NEU3: variants seen among roughly 807,000 people sequenced by gnomAD.
NEU3 encodes sialidase-3.
Under a neutral mutation model 11.4 loss-of-function variants are expected in NEU3, and 10 were observed. The ratio of observed to expected loss-of-function variants is 0.88; its 90% CI spans 0.54 to 1.49. The LOEUF is 1.49. NEU3 is among the 40% of genes most tolerant of loss of function. The probability of loss-of-function intolerance (pLI) is 0.00; values close to 1 mark genes in which losing one functional copy is unlikely to be tolerated. For synonymous variants in NEU3, 212 were observed against 228.2 expected, an observed-to-expected ratio of 0.93 and a Z score of 0.64; for missense variants, 529 against 581.8, an observed-to-expected ratio of 0.91 and a Z score of 0.93.
rs1205424872 is a variant in NEU3, at chr11:74,994,582, C to T, written c.168C>T (p.Thr56=). Residue 56 remains threonine (T), a synonymous_variant, in exon 2 of 3, where the codon ACC becomes ACT. Transcript: ENST00000294064. ...GGCAGGAAGATGACAGAGGGATTAC[C>T]TACCGGATCCCAGCCCTGCTCTACA... ...LFRQEDDRGI[T]YRIPALLYIP... is the part of the protein sequence containing the mutation. 1 of 1,613,878 alleles carries T rather than the reference C, an allele frequency of 6.2e-7. No individual in the cohort carries two copies. Among genetic ancestry groups the T allele is most frequent in the Non-Finnish European group, 8.5e-7 (1 of 1,179,876 alleles).
upstream of NEU3, among the ~76,000 whole-genome samples, chr11:74,986,039 T>C (rs1275571597): frequency 6.6e-6 from 1 of 152,212 alleles, no homozygotes; most frequent in Non-Finnish European, 1.5e-5. Flanking sequence ...AAGCAGGCCT[T>C]CCTAAGGATA....
At chr11:74,981,389 C>T in the NEU3 span, among the ~76,000 whole-genome samples, 1 of 152,208 alleles carries the variant, frequency 6.6e-6, no homozygotes, top group Admixed American at 6.5e-5. Flanking sequence ...GTAAGACTGA[C>T]CATTCTTCTT....
downstream of NEU3, among the ~76,000 whole-genome samples, chr11:75,011,536 C>A (rs2140257514): frequency 6.6e-6 from 1 of 152,264 alleles, no homozygotes; most frequent in East Asian, 1.9e-4. Context: ...AGAAAAACAT[C>A]CTTGGCTGGT....
At position 75,003,229 on chromosome 11, in the gene NEU3, ACAGTTTACCAGGCCTT is replaced by A. The variant is rs571528950; in HGVS notation, c.307-2181_307-2166del. Among the ~76,000 whole-genome samples, 13 of 152,280 alleles carry A rather than the reference ACAGTTTACCAGGCCTT, an allele frequency of 8.5e-5. No individual in the cohort carries two copies. The East Asian group carries it at 9.7e-4, about 11-fold the overall frequency. On this transcript the variant is annotated intron_variant, in intron 2 of 2. Transcript: ENST00000294064. ...TTAAGGTTCCATCTCAAATTACATGACAGTTTACCAGGCCTTCAAGTTTTGTCCTTCTGCTCCATAA... is the reference window on the plus strand; with the variant it reads ...TTAAGGTTCCATCTCAAATTACATGACAAGTTTTGTCCTTCTGCTCCATAA...
chr11:74,987,867 T>C (rs1335927597), upstream of NEU3, among the ~76,000 whole-genome samples: 1 of 146,710 alleles, frequency 6.8e-6, no homozygotes, highest in Non-Finnish European at 1.5e-5. Context: ...TTACGATGAG[T>C]TGGTCTCTGG....
At chr11:75,015,786 G>T (rs533885385), downstream of NEU3, among the ~76,000 whole-genome samples, 3 of 152,166 alleles carry the variant, frequency 2.0e-5, no homozygotes, top group Non-Finnish European at 4.4e-5. Flanking sequence ...TGTCCAACTT[G>T]TGTCCCTAGT....
chr11:75,019,836 G>A (rs1948996197), downstream of NEU3, among the ~76,000 whole-genome samples: 1 of 152,204 alleles, frequency 6.6e-6, no homozygotes, highest in Non-Finnish European at 1.5e-5. Flanking sequence ...GCACTGCCTA[G>A]TGGAGCTGTG....
chr11:74,988,631 C>T (rs1218011103), upstream of NEU3: 2 of 199,490 alleles, frequency 1.0e-5, no homozygotes, highest in African/African-American at 2.4e-5. Flanking sequence ...CTCAGGCTGT[C>T]CAGGGAAGCT....
chr11:75,011,889 C>A (rs1948958058), downstream of NEU3, among the ~76,000 whole-genome samples: 1 of 152,012 alleles, frequency 6.6e-6, no homozygotes, highest in South Asian at 2.1e-4. Context: ...CCTCAAGAAG[C>A]CTTGATAGAA....
intron 1 of NEU3, among the ~76,000 whole-genome samples, chr11:74,991,507 C>T (rs893527444): frequency 1.3e-5 from 2 of 152,210 alleles, no homozygotes; most frequent in African/African-American, 4.8e-5. Flanking sequence ...GGTTCACTGT[C>T]CTGAAAGCTT....
chr11:75,019,535 A>G (rs905629060), downstream of NEU3, among the ~76,000 whole-genome samples: 3 of 152,246 alleles, frequency 2.0e-5, no homozygotes, highest in African/African-American at 7.2e-5. Flanking sequence ...TGTTCAAAAC[A>G]TGGGAGCTGT....
chr11:74,999,798 A>C (rs1245347413), intron 2 of NEU3, among the ~76,000 whole-genome samples: 1 of 152,204 alleles, frequency 6.6e-6, no homozygotes, highest in African/African-American at 2.4e-5. Context: ...TGGGGCAGTC[A>C]GTCTATACAA....
chr11:74,989,126 A>G lies in NEU3; in HGVS notation c.66A>G (p.Thr22=). The G allele has an allele frequency of 6.4e-7, 1 of 1,551,158 alleles. No homozygotes were observed. Among genetic ancestry groups the G allele is most frequent in the Non-Finnish European group, 8.7e-7 (1 of 1,146,906 alleles). ...EESPASSSAP[T]ETEEPGSSAE... is the part of the protein sequence containing the mutation. ...CCCCGGCGTCCAGCTCTGCCCCGAC[A>G]GAGACGGAGGAGCCGGGGTCCAGTG... Residue 22 remains threonine (T), a synonymous_variant, in exon 1 of 3, where the codon ACA becomes ACG. Transcript: ENST00000294064.
chr11:75,000,222 A>T lies in NEU3; in HGVS notation c.307-5191A>T, dbSNP rs192921204. 1.5e-3 allele frequency among the ~76,000 whole-genome samples: 221 copies of T among 150,498 alleles called. 1 individual carries two copies. Among genetic ancestry groups the T allele is most frequent in the African/African-American group, 4.5e-3 (185 of 40,734 alleles). On this transcript the variant is annotated intron_variant, in intron 2 of 2. Transcript: ENST00000294064. ...TCTTTTTCACATTTGTTATTCTTTT[A>T]AAAAAAAAATTAATTGTAGTAAAAT...
Position 74,994,653 on chromosome 11 carries a change from C to T in NEU3, c.239C>T (p.Thr80Met), listed in dbSNP as rs185884919. ...CTGGCCTTTGCAGAGAAGCGTTCTA[C>T]GAGGAGAGATGAGGATGCTCTCCAC... ...TFLAFAEKRS[T>M]RRDEDALHLV... The change falls in exon 2 of 3, where the codon ACG becomes ATG. Residue 80 changes from threonine to methionine, a missense_variant. Thr to Met is a moderately conservative substitution (Grantham distance 81). Transcript: ENST00000294064. The T allele has an allele frequency of 7.4e-6, 12 of 1,613,996 alleles. No homozygotes were observed. The highest frequency in any genetic ancestry group is 6.7e-5 in the East Asian group (3 of 44,888).
intron 1 of NEU3, chr11:74,990,114 A>G (rs1175539484): frequency 1.5e-6 from 1 of 665,908 alleles, no homozygotes; most frequent in Admixed American, 2.3e-5. Context: ...AGGACATCAA[A>G]ATTTATAATT....
chr11:74,988,585 A>G (rs1948692528), upstream of NEU3: 2 of 166,726 alleles, frequency 1.2e-5, no homozygotes, highest in Non-Finnish European at 2.6e-5. Context: ...TCCTTTTTGT[A>G]GGGTACCCTC....
In NEU3 at chr11:75,008,557, CTTT is replaced by C. The variant is rs5792678; in HGVS notation, c.*2078_*2080del. 26 of 140,000 alleles carry C rather than the reference CTTT, an allele frequency of 1.9e-4. No individual in the cohort carries two copies. The highest frequency in any genetic ancestry group is 2.5e-4 in the Non-Finnish European group (16 of 64,016). 8.7% of individuals were successfully genotyped at this position (140,000 alleles called of 1,614,324 possible). On this transcript the variant is annotated 3_prime_UTR_variant, in exon 3 of 3. Coordinates refer to ENST00000294064, the MANE Select transcript of NEU3 (RefSeq NM_006656.6). ...ATGAAAAGAATGAGAATATCAACTT[CTTT>C]TTTTTTTTTTTTGAGACAGAATCTC...
chr11:74,995,873 G>A (rs1948785934), intron 2 of NEU3, among the ~76,000 whole-genome samples: 1 of 151,972 alleles, frequency 6.6e-6, no homozygotes, highest in Non-Finnish European at 1.5e-5. Flanking sequence ...AAGACAATGG[G>A]CTGGGCACAG....
Sources: allele counts gnomAD v4.1 joint callset (sites outside exome capture counted in the v4.1 genomes callset), GRCh38; gene constraint gnomAD v4.1.1; transcripts MANE v1.5; gene names NCBI Gene and HGNC (gene_info 2026-07-23, HGNC 2026-07-21).